ATP11A: variants seen among roughly 807,000 people sequenced by gnomAD.
The protein encoded by ATP11A is phospholipid-transporting ATPase IH.
A neutral mutation model predicts 154.4 loss-of-function variants in ATP11A; 81 were observed. The ratio of observed to expected loss-of-function variants is 0.52; its 90% CI spans 0.44 to 0.63. ATP11A has a LOEUF of 0.63. ATP11A is among the 30% of genes least tolerant of loss of function. The pLI is 0.00. For missense variants in ATP11A, 1,316 were observed against 1,474.3 expected, an observed-to-expected ratio of 0.89 and a Z score of 1.76; for synonymous variants, 623 against 585.9, an observed-to-expected ratio of 1.06 and a Z score of -0.91.
At chr13:112,787,149 T>C (rs201631355) in intron 2 of ATP11A, among the ~76,000 whole-genome samples, 23 of 126,724 alleles carry the variant, frequency 1.8e-4, no homozygotes, top group Middle Eastern at 4.2e-3. Flanking sequence ...CCTACTTAAT[T>C]CACACCGGGT....
At position 112,785,372 on chromosome 13, in the gene ATP11A, A is replaced by C. The variant is rs935789253; in HGVS notation, c.162+115A>C. On this transcript the variant is annotated intron_variant, in intron 2 of 29. Transcript: ENST00000375645. The surrounding 1 kb of genome is among the most constrained non-coding windows in gnomAD (Gnocchi z 4.8). ...TGCTCCTGGCCCTGCTGTCACAGCC[A>C]CCAGCCACCCCCAGCAAGGGCTTCG... 1 of 1,218,208 alleles carries C rather than the reference A, an allele frequency of 8.2e-7. No homozygotes were observed. The allele number at this position is 1,218,208 out of a possible 1,614,324, so 75.5% of individuals were successfully genotyped here.
intron 1 of ATP11A, among the ~76,000 whole-genome samples, chr13:112,725,473 C>T (rs1216015117): frequency 6.6e-6 from 1 of 152,200 alleles, no homozygotes; most frequent in Non-Finnish European, 1.5e-5. Flanking sequence ...TTCACTCACC[C>T]CTCCCCACAC....
intron 20 of ATP11A, among the ~76,000 whole-genome samples, chr13:112,857,141 C>G (rs2079952783): frequency 6.6e-6 from 1 of 152,204 alleles, no homozygotes; most frequent in Non-Finnish European, 1.5e-5. Context: ...TACAAATTAA[C>G]TTGTGTTTCA....
At chr13:112,826,290 T>C (rs556963676) in intron 11 of ATP11A, among the ~76,000 whole-genome samples, 2 of 152,356 alleles carry the variant, frequency 1.3e-5, no homozygotes, top group African/African-American at 4.8e-5. Flanking sequence ...TGAAAAGTCA[T>C]TTCACCAGGC....
chr13:112,856,400 G>T (rs1410427210), intron 20 of ATP11A: 1 of 202,808 alleles, frequency 4.9e-6, no homozygotes, highest in Non-Finnish European at 1.0e-5. Flanking sequence ...TACACTAAAG[G>T]TGTAAGGGAA....
intron 1 of ATP11A, among the ~76,000 whole-genome samples, chr13:112,718,948 G>A (rs760307870): frequency 6.6e-5 from 10 of 152,218 alleles, no homozygotes; most frequent in Non-Finnish European, 1.3e-4. Flanking sequence ...CCAAAGTGCC[G>A]GGATTACAGG....
Position 112,785,382 on chromosome 13 carries a change from C to A in ATP11A, c.162+125C>A, listed in dbSNP as rs973665836. 45 of 1,158,726 alleles carry A rather than the reference C, an allele frequency of 3.9e-5. No individual in the cohort carries two copies. The highest frequency in any genetic ancestry group is 5.1e-5 in the Non-Finnish European group (45 of 888,824). 71.8% of individuals were successfully genotyped at this position (1,158,726 alleles called of 1,614,324 possible). A position where few individuals can be genotyped will look rare whatever the true frequency, so the allele number is the denominator to read the frequency against. On this transcript the variant is annotated intron_variant, in intron 2 of 29. Transcript: ENST00000375645. The surrounding 1 kb of genome is among the most constrained non-coding windows in gnomAD (Gnocchi z 4.8). ...CCTGCTGTCACAGCCACCAGCCACC[C>A]CCAGCAAGGGCTTCGGATCAGGACC...
intron 1 of ATP11A, among the ~76,000 whole-genome samples, chr13:112,773,363 G>T (rs2077271397): frequency 6.6e-6 from 1 of 152,180 alleles, no homozygotes. Flanking sequence ...TGCTTAATCT[G>T]AGCAAAGGAA....
Position 112,875,998 on chromosome 13 carries a change from G to C in ATP11A, c.3327+57G>C. On this transcript the variant is annotated intron_variant, in intron 28 of 29. Coordinates refer to ENST00000375645, the MANE Select transcript of ATP11A (RefSeq NM_015205.3). This position sits in a 1 kb window ranked among gnomAD's most constrained non-coding sequence, Gnocchi z 4.1. ...CCTCAGGGCCCTGGCCTTAGGATTG[G>C]GAGATGACCGTTTTGAAAGACAGTG... 1.9e-6 allele frequency: 3 copies of C among 1,557,306 alleles called. No homozygotes were observed. The highest frequency in any genetic ancestry group is 2.6e-6 in the Non-Finnish European group (3 of 1,151,402).
At chr13:112,740,191 T>TA (rs1384457060) in intron 1 of ATP11A, among the ~76,000 whole-genome samples, 1 of 151,520 alleles carries the variant, frequency 6.6e-6, no homozygotes, top group African/African-American at 2.4e-5. Context: ...TGTATATATA[T>TA]TTTTTTGAGA....
At chr13:112,766,284 A>G (rs557505909) in intron 1 of ATP11A, among the ~76,000 whole-genome samples, 4 of 152,284 alleles carry the variant, frequency 2.6e-5, no homozygotes, top group South Asian at 4.1e-4. Flanking sequence ...GCCTGAAGCC[A>G]TGGTTTTTCA....
chr13:112,853,257 T>TA (rs2079824942), intron 18 of ATP11A, among the ~76,000 whole-genome samples: 1 of 151,866 alleles, frequency 6.6e-6, no homozygotes, highest in Non-Finnish European at 1.5e-5. Context: ...TATATATATA[T>TA]ATATGCACAC....
chr13:112,787,765 A>C (rs1488208229), intron 2 of ATP11A, among the ~76,000 whole-genome samples: 3 of 149,560 alleles, frequency 2.0e-5, no homozygotes, highest in Non-Finnish European at 4.4e-5. Context: ...GTGGAGACCT[A>C]CTTAATTCAC....
chr13:112,837,621 A>G (rs758706954), intron 16 of ATP11A, among the ~76,000 whole-genome samples: 2 of 152,184 alleles, frequency 1.3e-5, no homozygotes, highest in Non-Finnish European at 2.9e-5. Context: ...AGACACTCCC[A>G]GGCTGCATTT....
rs59381728 is a variant in ATP11A, at chr13:112,790,314, G to A, written c.162+5057G>A. Among the ~76,000 whole-genome samples, 11 of 150,940 alleles carry A rather than the reference G, an allele frequency of 7.3e-5. No homozygotes were observed. In the South Asian group the frequency reaches 8.4e-4, roughly 12 times the overall value. ...CTTAATTCACATTGAGCATCCTGAC[G>A]TGTAGACCCCTGTGTAGACCTACTT... is the stretch of plus-strand genomic sequence containing the variant. On this transcript the variant is annotated intron_variant, in intron 2 of 29. Transcript: ENST00000375645.
rs760368786 is a variant in ATP11A, at chr13:112,696,301, C to T, written c.39+5846C>T. On this transcript the variant is annotated intron_variant, in intron 1 of 29. Transcript: ENST00000375645. This position sits in a 1 kb window ranked among gnomAD's most constrained non-coding sequence, Gnocchi z 6.2. ...AGACCGCCTCTCACCTTGGGCTTTC[C>T]GGAACCTTCTCCCCGCACTCCTCTT... Among the ~76,000 whole-genome samples, 12 of 152,326 alleles carry T rather than the reference C, an allele frequency of 7.9e-5. No homozygotes were observed. The highest frequency in any genetic ancestry group is 2.1e-4 in the South Asian group (1 of 4,822).
intron 1 of ATP11A, among the ~76,000 whole-genome samples, chr13:112,700,044 A>AC (rs1555301804): frequency 3.6e-5 from 5 of 139,864 alleles, no homozygotes; most frequent in African/African-American, 1.3e-4. Flanking sequence ...GACAAAGGTA[A>AC]TTTTTTTTTT....
chr13:112,835,282 C>T (rs2079201378), intron 15 of ATP11A, among the ~76,000 whole-genome samples: 1 of 152,214 alleles, frequency 6.6e-6, no homozygotes, highest in African/African-American at 2.4e-5. Flanking sequence ...GGCTTATCAA[C>T]AAGCACGAAT....
intron 1 of ATP11A, among the ~76,000 whole-genome samples, chr13:112,737,192 C>T (rs1355398423): frequency 1.3e-5 from 2 of 152,142 alleles, no homozygotes; most frequent in Admixed American, 6.5e-5. Context: ...AGGTTCAAAG[C>T]TGGGCACTCC....
Sources: allele counts gnomAD v4.1 joint callset (sites outside exome capture counted in the v4.1 genomes callset), GRCh38; gene constraint gnomAD v4.1.1; non-coding constraint Gnocchi (gnomAD v3.1); transcripts MANE v1.5; gene names NCBI Gene and HGNC (gene_info 2026-07-23, HGNC 2026-07-21).